INPP5F: variants seen among roughly 807,000 people sequenced by gnomAD.
INPP5F encodes the protein inositol polyphosphate-5-phosphatase F.
Under a neutral mutation model 137.2 loss-of-function variants are expected in INPP5F, and 97 were observed. The observed-to-expected ratio is 0.71, with a 90% confidence interval of 0.60 to 0.84. The LOEUF is 0.84. Among genes scored for constraint, INPP5F ranks in the 40% least tolerant of loss-of-function variants. The pLI, the probability that INPP5F is intolerant of heterozygous loss-of-function variation, is 0.00. For synonymous variants in INPP5F, 504 were observed against 476.9 expected, an observed-to-expected ratio of 1.06 and a Z score of -0.74; for missense variants, 1,271 against 1,371.9, an observed-to-expected ratio of 0.93 and a Z score of 1.16.
intron 15 of INPP5F, among the ~76,000 whole-genome samples, chr10:119,814,312 G>A (rs1029108938): frequency 2.0e-5 from 3 of 151,098 alleles, no homozygotes; most frequent in Non-Finnish European, 3.0e-5. Flanking sequence ...GCTTGAACCC[G>A]GCAGGCGGAG....
chr10:119,796,951 A>C (rs1171540863), intron 7 of INPP5F, 38 bp downstream of exon 7: 4 of 1,548,380 alleles, frequency 2.6e-6, no homozygotes, highest in Non-Finnish European at 3.6e-6. Context: ...AATCAAATCC[A>C]GGCGAGAATG....
rs968903392 is a variant in INPP5F, at chr10:119,826,798, T to G, written c.2417T>G (p.Phe806Cys). The G allele has an allele frequency of 2.5e-6, 4 of 1,613,566 alleles. No individual in the cohort carries two copies. The highest frequency in any genetic ancestry group is 3.3e-4 in the Middle Eastern group (2 of 6,078). The change falls in exon 20 of 20, where the codon TTT (phenylalanine) becomes TGT (cysteine). Residue 806 changes from phenylalanine (F) to cysteine (C), a missense_variant. This residue lies in a region of INPP5F where 490 missense variants were observed against 443.7 expected (regional missense o/e 1.10). Coordinates refer to ENST00000650623, the MANE Select transcript of INPP5F (RefSeq NM_014937.4). ...NIGNLRKLGN[F>C]TKPEMKVNFL... ...GGCAACCTCCGAAAGCTAGGAAACT[T>G]TACCAAACCTGAAATGAAAGTTAAC... is the stretch of plus-strand genomic sequence containing the variant.
chr10:119,810,141 T>TA lies in INPP5F; in HGVS notation c.1612dup (p.Met538AsnfsTer17). 1 of 1,613,408 alleles carries TA rather than the reference T, an allele frequency of 6.2e-7. No individual in the cohort carries two copies. The highest frequency in any genetic ancestry group is 8.5e-7 in the Non-Finnish European group (1 of 1,179,502). On this transcript the variant is annotated frameshift_variant, in exon 14 of 20. Coordinates refer to ENST00000650623, the MANE Select transcript of INPP5F (RefSeq NM_014937.4). LOFTEE classifies it high-confidence loss of function. ...CAGGAGAAAGGAAGTTAGCAGGAGT[T>TA]ATGAAAGATGGAGTGAACTCAGCAA...
rs999261732 is a variant in INPP5F at position 119,776,218 on chromosome 10, G to A, written c.179-5417G>A. ...CTACTATTGACAAAGCTTTGTTTCT[G>A]TTACATTATATTTTCTCAGATTTAA... On this transcript the variant is annotated intron_variant, in intron 2 of 19. Transcript: ENST00000650623. Among the ~76,000 whole-genome samples, 8 of 152,108 alleles carry A rather than the reference G, an allele frequency of 5.3e-5. No homozygotes were observed. In the East Asian group the frequency reaches 1.3e-3, roughly 26 times the overall value.
intron 2 of INPP5F, among the ~76,000 whole-genome samples, chr10:119,774,938 A>G (rs1280519841): frequency 6.6e-6 from 1 of 152,182 alleles, no homozygotes; most frequent in East Asian, 1.9e-4. Flanking sequence ...TACAGCATAT[A>G]GTAAAGGCTC....
chr10:119,819,416 T>C, intron 15 of INPP5F: 1 of 1,476,434 alleles, frequency 6.8e-7, no homozygotes, highest in Non-Finnish European at 9.1e-7. Context: ...ATGTAAATAT[T>C]AATGCCAAAA....
At chr10:119,729,185 G>T (rs552248201) in intron 1 of INPP5F, among the ~76,000 whole-genome samples, 1 of 152,178 alleles carries the variant, frequency 6.6e-6, no homozygotes, top group South Asian at 2.1e-4. Context: ...TTGCTCTGTT[G>T]CCCAGGCTGG....
At chr10:119,795,536 C>T (rs560077195) in intron 6 of INPP5F, among the ~76,000 whole-genome samples, 36 of 150,662 alleles carry the variant, frequency 2.4e-4, no homozygotes, top group African/African-American at 8.3e-4. Context: ...TGGGAAGAGG[C>T]GCTCCTCACT....
chr10:119,765,783 G>A (rs1350098047), intron 2 of INPP5F, among the ~76,000 whole-genome samples: 2 of 125,410 alleles, frequency 1.6e-5, no homozygotes, highest in East Asian at 2.3e-4. Context: ...GTGTGTGTGT[G>A]TATAGTGTAT....
At chr10:119,820,221 G>A (rs902931143) in intron 15 of INPP5F, among the ~76,000 whole-genome samples, 1 of 152,124 alleles carries the variant, frequency 6.6e-6, no homozygotes, top group Non-Finnish European at 1.5e-5. Context: ...ACACTACCTG[G>A]ATTCTAATTC....
intron 3 of INPP5F, among the ~76,000 whole-genome samples, chr10:119,785,127 T>C (rs184452505): frequency 4.6e-5 from 7 of 152,202 alleles, no homozygotes; most frequent in African/African-American, 1.7e-4. Flanking sequence ...TTTGAGTTGT[T>C]TCCACCTTTT....
At position 119,796,743 on chromosome 10, in the gene INPP5F, C is replaced by G. The variant is rs977694514; in HGVS notation, c.698C>G (p.Pro233Arg). The G allele has an allele frequency of 3.7e-6, 6 of 1,613,822 alleles. No homozygotes were observed. Among genetic ancestry groups the G allele is most frequent in the Non-Finnish European group, 2.5e-6 (3 of 1,179,768 alleles). The stretch of plus-strand genomic sequence containing the variant: ...CCAGATGTGGACTTTTGGATTATCC[C>G]CATGATCCAAGGTTTTGTGCAGATT... Reference protein sequence around the residue: ...GTPDVDFWIIPMIQGFVQIEE... With the variant: ...GTPDVDFWIIRMIQGFVQIEE... Residue 233 changes from proline (P) to arginine (R), a missense_variant, in exon 7 of 20, where the codon CCC (proline) becomes CGC (arginine). Pro to Arg is a moderately radical substitution (Grantham distance 103). Coordinates refer to ENST00000650623, the MANE Select transcript of INPP5F (RefSeq NM_014937.4).
chr10:119,814,388 A>C (rs1851177614), intron 15 of INPP5F: 1 of 147,250 alleles, frequency 6.8e-6, no homozygotes, highest in African/African-American at 2.5e-5. Context: ...CTCCATCTCA[A>C]AATAAATAAA....
intron 1 of INPP5F, among the ~76,000 whole-genome samples, 193 bp from the exon 2 acceptor site, chr10:119,750,882 TA>T (rs1419141121): frequency 6.6e-6 from 1 of 152,216 alleles, no homozygotes; most frequent in African/African-American, 2.4e-5. Context: ...TCCGAAGCCT[TA>T]TTGTATCCCA....
chr10:119,786,379 A>AT (rs552224840), intron 3 of INPP5F, among the ~76,000 whole-genome samples: 108 of 152,334 alleles, frequency 7.1e-4, no homozygotes, highest in African/African-American at 2.4e-3. Flanking sequence ...CTCTGTGTAA[A>AT]CAAAATACCT....
intron 2 of INPP5F, among the ~76,000 whole-genome samples, chr10:119,771,884 T>TATATATATATA (rs1849373704): frequency 3.4e-5 from 1 of 29,098 alleles, no homozygotes; most frequent in Non-Finnish European, 6.1e-5. Context: ...ATATATATAT[T>TATATATATATA]TTTTTTTTTT....
chr10:119,730,568 T>C (rs1196869965), intron 1 of INPP5F, among the ~76,000 whole-genome samples: 1 of 152,214 alleles, frequency 6.6e-6, no homozygotes, highest in East Asian at 1.9e-4. Flanking sequence ...GATATGGTCT[T>C]ATCTCTTTGG....
chr10:119,734,004 G>A (rs1848156342), intron 1 of INPP5F, among the ~76,000 whole-genome samples: 1 of 152,170 alleles, frequency 6.6e-6, no homozygotes, highest in South Asian at 2.1e-4. Context: ...CGTTTAAAGG[G>A]AGAATATAAG....
chr10:119,741,282 G>T (rs1412448141), intron 1 of INPP5F, among the ~76,000 whole-genome samples: 1 of 152,168 alleles, frequency 6.6e-6, no homozygotes, highest in Non-Finnish European at 1.5e-5. Flanking sequence ...GATTTGTCCT[G>T]TGTTCTATCT....
Sources: gnomAD v4.1 joint callset for allele counts (sites outside exome capture counted in the v4.1 genomes callset) on GRCh38, gnomAD v4.1.1 for gene constraint, gnomAD v4.1.1 regional missense constraint, MANE v1.5 for transcripts, NCBI Gene and HGNC (gene_info 2026-07-23, HGNC 2026-07-21) for gene names.